RIMS1: variants seen among roughly 807,000 people sequenced by gnomAD.
RIMS1 encodes the protein regulating synaptic membrane exocytosis 1.
In RIMS1, 83 loss-of-function variants were observed where a neutral mutation model predicts 214.1. That is an observed-to-expected ratio of 0.39 (90% CI 0.32 to 0.47). RIMS1 has a LOEUF of 0.47. Among genes scored for constraint, RIMS1 ranks in the 20% least tolerant of loss-of-function variants. RIMS1 has a pLI of 0.99. For synonymous variants in RIMS1, 793 were observed against 786.8 expected (o/e 1.01, Z -0.13); for missense variants, 2,050 against 2,161.8 (o/e 0.95, Z 1.03).
intron 1 of RIMS1, among the ~76,000 whole-genome samples, chr6:71,892,773 G>T (rs578018691): frequency 1.3e-4 from 20 of 152,254 alleles, no homozygotes; most frequent in African/African-American, 3.9e-4. Context: ...TCAGGCATTA[G>T]GCTGCTGGGG....
intron 29 of RIMS1, among the ~76,000 whole-genome samples, chr6:72,361,969 C>CTGTAT (rs71540338): frequency 0.26 from 38,373 of 146,698 alleles, 5,168 homozygotes; most frequent in Middle Eastern, 0.3. Flanking sequence ...AGGACCATTA[C>CTGTAT]TGTATTGTAT....
At chr6:71,984,793 C>A (rs1291180710) in intron 2 of RIMS1, among the ~76,000 whole-genome samples, 1,637 of 151,594 alleles carry the variant, frequency 0.011, 41 homozygotes, top group African/African-American at 0.037. Context: ...ATCTATCTAT[C>A]TATCTATCTA....
chr6:72,220,433 T>TA (rs912953212), intron 6 of RIMS1, among the ~76,000 whole-genome samples: 22 of 152,078 alleles, frequency 1.4e-4, no homozygotes, highest in Admixed American at 1.2e-3. Flanking sequence ...AGGACTTGCA[T>TA]AACTCAGGTT....
intron 2 of RIMS1, among the ~76,000 whole-genome samples, chr6:72,047,581 T>A (rs916148732): frequency 3.3e-5 from 5 of 152,138 alleles, no homozygotes; most frequent in African/African-American, 1.2e-4. Flanking sequence ...CTAAAGCATG[T>A]AGCTACTAGA....
intron 4 of RIMS1, among the ~76,000 whole-genome samples, chr6:72,156,404 T>A (rs568484223): frequency 7.1e-6 from 1 of 140,750 alleles, no homozygotes; most frequent in East Asian, 2.0e-4. Flanking sequence ...ACTTATCACT[T>A]GTATATGGAA....
intron 28 of RIMS1, among the ~76,000 whole-genome samples, chr6:72,329,854 A>G (rs867359520): frequency 1.3e-5 from 2 of 151,724 alleles, no homozygotes; most frequent in Non-Finnish European, 2.9e-5. Context: ...AGGGTTGAAC[A>G]CTTTATGTTT....
chr6:72,002,403 A>C (rs1166576623), intron 2 of RIMS1, among the ~76,000 whole-genome samples: 1 of 152,158 alleles, frequency 6.6e-6, no homozygotes, highest in Non-Finnish European at 1.5e-5. Context: ...ACAATACCCC[A>C]GAAGTCTGGA....
At chr6:72,051,342 A>T (rs779999635) in intron 2 of RIMS1, among the ~76,000 whole-genome samples, 5 of 152,150 alleles carry the variant, frequency 3.3e-5, no homozygotes, top group Non-Finnish European at 7.4e-5. Flanking sequence ...AGGACTTTAC[A>T]TTATCCTTCT....
intron 4 of RIMS1, among the ~76,000 whole-genome samples, chr6:72,121,061 T>C (rs1394410787): frequency 6.6e-6 from 1 of 151,938 alleles, no homozygotes; most frequent in Admixed American, 6.6e-5. Flanking sequence ...TGTAGCCTTG[T>C]AGTATAGTTT....
chr6:72,126,958 G>A (rs1401106410), intron 4 of RIMS1, among the ~76,000 whole-genome samples: 2 of 152,068 alleles, frequency 1.3e-5, no homozygotes, highest in Non-Finnish European at 2.9e-5. Context: ...GTCATTATGT[G>A]AAAAAGATAC....
intron 29 of RIMS1, among the ~76,000 whole-genome samples, chr6:72,345,783 G>T (rs993095756): frequency 3.3e-5 from 5 of 151,728 alleles, no homozygotes; most frequent in Non-Finnish European, 7.4e-5. Context: ...ACAGTCTTTT[G>T]TATCTGAGCA....
At chr6:72,386,548 C>T (rs1018838235) in intron 29 of RIMS1, among the ~76,000 whole-genome samples, 3 of 152,096 alleles carry the variant, frequency 2.0e-5, no homozygotes, top group Admixed American at 6.5e-5. Flanking sequence ...GACTGATCCC[C>T]GCAGTGTACT....
At chr6:71,975,298 G>A (rs75810563) in intron 2 of RIMS1, among the ~76,000 whole-genome samples, 2 of 152,032 alleles carry the variant, frequency 1.3e-5, no homozygotes, top group Non-Finnish European at 2.9e-5. Context: ...GGAACTTTCC[G>A]TATTTTAGCA....
intron 1 of RIMS1, among the ~76,000 whole-genome samples, chr6:71,908,018 C>T (rs1236522472): frequency 6.6e-6 from 1 of 152,038 alleles, no homozygotes; most frequent in Non-Finnish European, 1.5e-5. Context: ...ATTGCTAAAC[C>T]TTTCACACCA....
chr6:72,006,923 G>A (rs759508644), intron 2 of RIMS1, among the ~76,000 whole-genome samples: 1 of 152,234 alleles, frequency 6.6e-6, no homozygotes, highest in Non-Finnish European at 1.5e-5. Flanking sequence ...ACAAAAGACA[G>A]AAGAAACCTC....
chr6:71,954,871 C>G (rs199568316), intron 1 of RIMS1, among the ~76,000 whole-genome samples: 1 of 147,308 alleles, frequency 6.8e-6, no homozygotes, highest in Admixed American at 6.8e-5. Context: ...CACACACACT[C>G]CACACACACA....
chr6:72,316,320 G>A (rs1470206738), intron 28 of RIMS1, among the ~76,000 whole-genome samples: 1 of 152,156 alleles, frequency 6.6e-6, no homozygotes, highest in Non-Finnish European at 1.5e-5. Context: ...GGTGGACAGA[G>A]AAGAGGAGAC....
intron 4 of RIMS1, among the ~76,000 whole-genome samples, chr6:72,164,153 A>G (rs2045913016): frequency 6.6e-6 from 1 of 152,140 alleles, no homozygotes; most frequent in African/African-American, 2.4e-5. Flanking sequence ...CTGTGCTAGC[A>G]ATGAGCGAGA....
intron 2 of RIMS1, among the ~76,000 whole-genome samples, chr6:72,004,079 C>T (rs1386067011): frequency 7.3e-6 from 1 of 137,422 alleles, no homozygotes; most frequent in Non-Finnish European, 1.5e-5. Context: ...TCCATGTGTT[C>T]TCATTGTTCA....
Sources: gnomAD v4.1 joint callset for allele counts (sites outside exome capture counted in the v4.1 genomes callset) on GRCh38, gnomAD v4.1.1 for gene constraint, MANE v1.5 for transcripts, NCBI Gene and HGNC (gene_info 2026-07-23, HGNC 2026-07-21) for gene names.